CCDC15: variants seen among roughly 807,000 people sequenced by gnomAD.
The protein encoded by CCDC15 is coiled-coil domain-containing protein 15.
A neutral mutation model predicts 114.5 loss-of-function variants in CCDC15; 105 were observed. The ratio of observed to expected loss-of-function variants is 0.92; its 90% confidence interval spans 0.78 to 1.08. The LOEUF (loss-of-function observed/expected upper bound fraction) is 1.08, where lower values mean the gene tolerates loss of function less well. Among genes scored for constraint, CCDC15 ranks in the 50% least tolerant of loss-of-function variants. CCDC15 has a pLI of 0.00. For synonymous variants in CCDC15, 334 were observed against 377.8 expected, an observed-to-expected ratio of 0.88 and a Z score of 1.34; for missense variants, 1,105 against 1,093.6, an observed-to-expected ratio of 1.01 and a Z score of -0.15.
intron 13 of CCDC15, among the ~76,000 whole-genome samples, chr11:125,027,760 T>C (rs1286689392): frequency 6.6e-6 from 1 of 152,160 alleles, no homozygotes; most frequent in Non-Finnish European, 1.5e-5. Flanking sequence ...TATTTTTTTT[T>C]TGTTTTTGTT....
At chr11:125,017,443 C>T (rs1485346831) in intron 13 of CCDC15, among the ~76,000 whole-genome samples, 1 of 152,132 alleles carries the variant, frequency 6.6e-6, no homozygotes, top group Non-Finnish European at 1.5e-5. Flanking sequence ...AAATTCCTAT[C>T]ACCTAGTGAT....
rs1317604901 is a variant in CCDC15, at chr11:124,991,455, T to C, written c.1909-6T>C. Reference sequence around the variant, plus strand: ...ATTTATAGTTTTTTATTATTTTATCTTTTAGAAAGTACACTTTAAGGAGCC... The same window carrying C: ...ATTTATAGTTTTTTATTATTTTATCCTTTAGAAAGTACACTTTAAGGAGCC... On this transcript the variant is annotated splice_region_variant and splice_polypyrimidine_tract_variant and intron_variant, in intron 8 of 15. Coordinates refer to ENST00000344762, the MANE Select transcript of CCDC15 (RefSeq NM_025004.3). 1 of 1,507,674 alleles carries C rather than the reference T, an allele frequency of 6.6e-7. No homozygotes were observed. Among genetic ancestry groups the C allele is most frequent in the Non-Finnish European group, 9.0e-7 (1 of 1,111,822 alleles). 93.4% of individuals were successfully genotyped at this position (1,507,674 alleles called of 1,614,324 possible). A position where few individuals can be genotyped will look rare whatever the true frequency, so the allele number is the denominator to read the frequency against.
At chr11:124,976,329 C>T (rs529862202) in intron 5 of CCDC15, among the ~76,000 whole-genome samples, 11 of 151,638 alleles carry the variant, frequency 7.3e-5, no homozygotes, top group Admixed American at 2.6e-4. Context: ...GAATACTAAA[C>T]TGTAATGTTT....
chr11:124,976,412 A>G (rs553782219), intron 5 of CCDC15, among the ~76,000 whole-genome samples: 54 of 152,222 alleles, frequency 3.5e-4, no homozygotes, highest in Non-Finnish European at 5.7e-4. Context: ...GTGTCCATGT[A>G]TGGCAACACA....
chr11:124,981,418 C>G (rs1471308351), intron 6 of CCDC15, among the ~76,000 whole-genome samples: 1 of 152,192 alleles, frequency 6.6e-6, no homozygotes, highest in East Asian at 1.9e-4. Flanking sequence ...GATCTTGGCT[C>G]ACTGAAACCT....
chr11:125,025,198 T>C (rs1948692661), intron 13 of CCDC15, among the ~76,000 whole-genome samples: 1 of 147,874 alleles, frequency 6.8e-6, no homozygotes, highest in Non-Finnish European at 1.5e-5. Flanking sequence ...ATATATTCTT[T>C]CATATATATA....
At chr11:124,983,451 T>C (rs920419273) in intron 6 of CCDC15, among the ~76,000 whole-genome samples, 1 of 146,952 alleles carries the variant, frequency 6.8e-6, no homozygotes, top group African/African-American at 2.5e-5. Flanking sequence ...ATCCTTTGGA[T>C]TTTTTTTTTT....
At chr11:124,991,393 TAG>T in intron 8 of CCDC15, 66 bp from the exon 9 acceptor site, 1 of 1,117,290 alleles carries the variant, frequency 9.0e-7, no homozygotes, top group Admixed American at 2.5e-5. Context: ...CAATGAAGCC[TAG>T]AATATTATTG....
intron 11 of CCDC15, among the ~76,000 whole-genome samples, chr11:124,994,649 T>C (rs1461606823): frequency 1.3e-5 from 2 of 152,136 alleles, no homozygotes; most frequent in Admixed American, 1.3e-4. Flanking sequence ...TGGTAGAGCA[T>C]AAGGCAGGCT....
intron 6 of CCDC15, among the ~76,000 whole-genome samples, chr11:124,984,477 G>T (rs116066922): frequency 6.6e-6 from 1 of 152,252 alleles, no homozygotes; most frequent in East Asian, 1.9e-4. Context: ...GTTCACGTCC[G>T]ACAGTTCCCC....
intron 8 of CCDC15, 131 bp downstream of exon 8, chr11:124,988,265 A>G (rs1298728175): frequency 1.6e-5 from 15 of 939,678 alleles, no homozygotes; most frequent in Non-Finnish European, 2.3e-5. Context: ...CAATAAAGCA[A>G]ATATTGGAAT....
intron 13 of CCDC15, among the ~76,000 whole-genome samples, chr11:125,027,385 C>T (rs1455773249): frequency 2.0e-5 from 3 of 152,168 alleles, no homozygotes; most frequent in Non-Finnish European, 2.9e-5. Context: ...TTCTCCACAA[C>T]CATGCCAACA....
At chr11:125,004,534 T>C (rs1408291700) in intron 12 of CCDC15, among the ~76,000 whole-genome samples, 1 of 152,044 alleles carries the variant, frequency 6.6e-6, no homozygotes, top group Non-Finnish European at 1.5e-5. Context: ...TACATAGACA[T>C]GCTTTTTGCT....
At chr11:125,007,815 G>A (rs1419239175) in intron 13 of CCDC15, among the ~76,000 whole-genome samples, 5 of 152,144 alleles carry the variant, frequency 3.3e-5, no homozygotes, top group Admixed American at 3.3e-4. Context: ...GGTAAGTTCA[G>A]TTGATCCCCA....
chr11:124,969,562 A>G (rs1947845822), intron 4 of CCDC15, among the ~76,000 whole-genome samples: 1 of 152,054 alleles, frequency 6.6e-6, no homozygotes, highest in African/African-American at 2.4e-5. Flanking sequence ...ATCTTTTACT[A>G]TCTTATTTCT....
chr11:124,964,049 G>A (rs1947721780), intron 4 of CCDC15, among the ~76,000 whole-genome samples: 2 of 152,178 alleles, frequency 1.3e-5, no homozygotes, highest in African/African-American at 4.8e-5. Flanking sequence ...CTGTAACCTT[G>A]TAATATAGTT....
intron 4 of CCDC15, among the ~76,000 whole-genome samples, chr11:124,964,327 G>C (rs907893406): frequency 5.3e-5 from 8 of 152,132 alleles, no homozygotes; most frequent in Non-Finnish European, 1.0e-4. Flanking sequence ...TTGAGCAGTG[G>C]TTTGTAGTTC....
intron 3 of CCDC15, 55 bp from the exon 4 acceptor site, chr11:124,959,760 T>C (rs1947624407): frequency 5.1e-6 from 7 of 1,372,356 alleles, no homozygotes. Context: ...AGGCATTATT[T>C]GATTGCTCTG....
In CCDC15 at chr11:124,999,140, G is replaced by A. The variant is rs564762727; in HGVS notation, c.2215-4727G>A. On this transcript the variant is annotated intron_variant, in intron 11 of 15. Coordinates refer to ENST00000344762, the MANE Select transcript of CCDC15 (RefSeq NM_025004.3). ...CGATAGCAAATTTGTAATTATTTGA[G>A]TCATTGTTCTTCTATATGTAATGTG... 2.0e-5 allele frequency among the ~76,000 whole-genome samples: 3 copies of A among 152,182 alleles called. No homozygotes were observed. The South Asian group carries it at 6.2e-4, about 32-fold the overall frequency.
Sources: gnomAD v4.1 joint callset for allele counts (sites outside exome capture counted in the v4.1 genomes callset) on GRCh38, gnomAD v4.1.1 for gene constraint, MANE v1.5 for transcripts, NCBI Gene and HGNC (gene_info 2026-07-23, HGNC 2026-07-21) for gene names.